The following EP400 variants were observed in gnomAD, a reference collection of about 807,000 sequenced individuals.
The protein encoded by EP400 is E1A binding protein p400.
EP400 carries 105 observed loss-of-function variants against 354.1 expected under a neutral mutation model. The ratio of observed to expected loss-of-function variants is 0.30; its 90% CI spans 0.25 to 0.35. The LOEUF (loss-of-function observed/expected upper bound fraction) is 0.35. Ranked by LOEUF, EP400 falls within the 10% of genes least tolerant of loss-of-function variation. EP400 has a pLI of 1.00. For missense variants in EP400, 3,280 were observed against 4,121.0 expected (o/e 0.80, Z 5.59); for synonymous variants, 1,646 against 1,716.9 (o/e 0.96, Z 1.02).
intron 19 of EP400, among the ~76,000 whole-genome samples, chr12:132,015,835 T>C (rs1251219596): frequency 6.6e-6 from 1 of 152,136 alleles, no homozygotes; most frequent in Admixed American, 6.5e-5. Flanking sequence ...GTCTGGTGCT[T>C]GACGGGATCC....
intron 1 of EP400, among the ~76,000 whole-genome samples, chr12:131,954,088 A>G (rs1474299867): frequency 1.3e-5 from 2 of 152,138 alleles, no homozygotes; most frequent in African/African-American, 4.8e-5. Context: ...ACTCGAGTTT[A>G]GGTGACTGAG....
chr12:131,973,506 G>C (rs956693939), intron 2 of EP400, among the ~76,000 whole-genome samples: 2 of 152,182 alleles, frequency 1.3e-5, no homozygotes, highest in Non-Finnish European at 2.9e-5. Context: ...TGCCGGGTGT[G>C]GTGGCGTGTT....
intron 2 of EP400, among the ~76,000 whole-genome samples, chr12:131,966,852 C>T (rs940928962): frequency 3.7e-5 from 5 of 136,546 alleles, no homozygotes; most frequent in Non-Finnish European, 6.1e-5. Context: ...TACAGTGAGC[C>T]GAGTTCACCC....
At position 132,062,127 on chromosome 12, in the gene EP400, T is replaced by A; in HGVS notation, c.7902T>A (p.Ala2634=). 1 of 1,613,266 alleles carries A rather than the reference T, an allele frequency of 6.2e-7. No homozygotes were observed. The highest frequency in any genetic ancestry group is 1.1e-5 in the South Asian group (1 of 91,030). The change falls in exon 46 of 53, where the codon GCT becomes GCA. Residue 2634 remains alanine, a synonymous_variant. Coordinates refer to ENST00000389561, the MANE Select transcript of EP400 (RefSeq NM_015409.5). The part of the protein sequence containing the change: ...PGALTTPGGS[A]PAQVVHTQPP... ...TTTTCTAGACGCCGGGAGGCTCTGC[T>A]CCCGCCCAGGTGGTGCACACCCAGC...
chr12:131,960,688 C>G lies in EP400; in HGVS notation c.69C>G (p.Ser23Arg). The G allele has an allele frequency of 1.3e-6, 2 of 1,580,522 alleles. No individual in the cohort carries two copies. The highest frequency in any genetic ancestry group is 2.3e-5 in the East Asian group (1 of 43,794). The change falls in exon 2 of 53, where the codon AGC becomes AGG. Residue 23 changes from serine (S) to arginine (R), a missense_variant. Ser to Arg is a moderately radical substitution (Grantham distance 110). Coordinates refer to ENST00000389561, the MANE Select transcript of EP400 (RefSeq NM_015409.5). ...AGAGGTCCAGGGCCTGCCCTGGCAG[C>G]GAGGGTGAGGAGCAGCCGGCCCACC... ...QLQRSRACPG[S>R]EGEEQPAHPN...
Position 132,062,599 on chromosome 12 carries a change from G to A in EP400, c.8232G>A (p.Gln2744=), listed in dbSNP as rs768680596. The change falls in exon 47 of 53, where the codon CAG becomes CAA. Residue 2744 remains glutamine, a synonymous_variant. Transcript: ENST00000389561. ...AGCAGCAGCAGCAGCAGCAACAGCA[G>A]CAGCAGCAACAGACGACGACGACCT... ...QQQQQQQQQQ[Q]QQQQTTTTSQ... The A allele has an allele frequency of 4.1e-5, 65 of 1,604,622 alleles. No homozygotes were observed. Among genetic ancestry groups the A allele is most frequent in the Non-Finnish European group, 4.9e-5 (58 of 1,173,526 alleles).
chr12:132,014,063 T>A, intron 19 of EP400, 150 bp downstream of exon 19: 1 of 1,039,950 alleles, frequency 9.6e-7, no homozygotes, highest in Non-Finnish European at 1.4e-6. Flanking sequence ...GGCAGCAGGC[T>A]CTGCAGCCTC....
At chr12:132,028,763 A>G (rs1894389672) in intron 27 of EP400, among the ~76,000 whole-genome samples, 1 of 152,206 alleles carries the variant, frequency 6.6e-6, no homozygotes, top group Non-Finnish European at 1.5e-5. Flanking sequence ...TGCTTTCAGT[A>G]GAGTGCGTTA....
chr12:132,050,776 T>C lies in EP400; in HGVS notation c.7394+121T>C. On this transcript the variant is annotated intron_variant, in intron 41 of 52. Transcript: ENST00000389561. This position sits in a 1 kb window ranked among gnomAD's most constrained non-coding sequence, Gnocchi z 4.8. ...AGCGTGTTCAGGCATCAGCTGGACG[T>C]GGCAGTGCGCAGAACCTGCAGGAGA... 8.0e-7 allele frequency: 1 copy of C among 1,257,264 alleles called. No homozygotes were observed. The highest frequency in any genetic ancestry group is 1.2e-6 in the Non-Finnish European group (1 of 869,166). The allele number at this position is 1,257,264 out of a possible 1,614,324, so 77.9% of individuals were successfully genotyped here.
Position 132,013,952 on chromosome 12 carries a change from C to A in EP400, c.3923+39C>A. Reference sequence around the variant, plus strand: ...CTGGGCATGTGCCCCCTTTGCTGTCCCTGCCTGTGAGGGAAAACGGCCCTT... The same window carrying A: ...CTGGGCATGTGCCCCCTTTGCTGTCACTGCCTGTGAGGGAAAACGGCCCTT... On this transcript the variant is annotated intron_variant, in intron 19 of 52. Coordinates refer to ENST00000389561, the MANE Select transcript of EP400 (RefSeq NM_015409.5). This position sits in a 1 kb window ranked among gnomAD's most constrained non-coding sequence, Gnocchi z 4.5. 1 of 1,602,594 alleles carries A rather than the reference C, an allele frequency of 6.2e-7. No homozygotes were observed. The highest frequency in any genetic ancestry group is 1.1e-5 in the South Asian group (1 of 89,314).
chr12:131,992,177 C>T lies in EP400; in HGVS notation c.2684C>T (p.Ser895Leu). The T allele has an allele frequency of 6.2e-7, 1 of 1,607,782 alleles. No homozygotes were observed. Residue 895 changes from serine to leucine, a missense_variant, in exon 11 of 53, where the codon TCA becomes TTA. Physicochemically the swap from Ser to Leu is moderately radical, Grantham distance 145. Coordinates refer to ENST00000389561, the MANE Select transcript of EP400 (RefSeq NM_015409.5). ...TTTTTCTTTCTTTTCTTTCAGGATT[C>T]AGGAATGTCTGGAAGAAAAAGAAAA... is the stretch of plus-strand genomic sequence containing the variant. ...FDALQESSLDSGMSGRKRKAS... is the reference protein window; with the variant it reads ...FDALQESSLDLGMSGRKRKAS...
At position 131,990,726 on chromosome 12, in the gene EP400, T is replaced by TAAA. The variant is rs141081862; in HGVS notation, c.2629+17_2629+19dup. On this transcript the variant is annotated intron_variant, in intron 9 of 52. Transcript: ENST00000389561. The surrounding 1 kb of genome is among the most constrained non-coding windows in gnomAD (Gnocchi z 4.2). ...AGTTTCCAGGAGAGGTAGGACCCTT[T>TAAA]AAAAAAAGGCTCACCACGCTTGGGT... The TAAA allele has an allele frequency of 6.3e-7, 1 of 1,589,020 alleles. No individual in the cohort carries two copies. Among genetic ancestry groups the TAAA allele is most frequent in the South Asian group, 1.1e-5 (1 of 87,894 alleles).
At position 132,025,843 on chromosome 12, in the gene EP400, G is replaced by A; in HGVS notation, c.5014+39G>A. 1 of 1,532,270 alleles carries A rather than the reference G, an allele frequency of 6.5e-7. No homozygotes were observed. The allele number at this position is 1,532,270 out of a possible 1,614,324, so 94.9% of individuals were successfully genotyped here. On this transcript the variant is annotated intron_variant, in intron 25 of 52. Transcript: ENST00000389561. The surrounding 1 kb of genome is among the most constrained non-coding windows in gnomAD (Gnocchi z 4.1). ...AGCAGGAGGGAGACTTGGCTTGGAT[G>A]CTTCTTTCTCTTCCATCTAAGGCGA...
chr12:131,951,483 G>GT (rs1281331994), intron 1 of EP400, among the ~76,000 whole-genome samples: 3 of 152,154 alleles, frequency 2.0e-5, no homozygotes, highest in African/African-American at 7.2e-5. Context: ...GCCGGGACAC[G>GT]TGGAAGTGTT....
At chr12:132,076,625 AT>A in intron 52 of EP400, 32 bp downstream of exon 52, 1 of 1,577,962 alleles carries the variant, frequency 6.3e-7, no homozygotes, top group Non-Finnish European at 8.6e-7. Context: ...GAAACCTCAC[AT>A]TTCCCAGGTC....
chr12:132,033,878 T>A (rs1375797367), intron 30 of EP400, among the ~76,000 whole-genome samples: 1 of 152,188 alleles, frequency 6.6e-6, no homozygotes, highest in African/African-American at 2.4e-5. Flanking sequence ...GTAATTCAAA[T>A]GCTGTATTTA....
At chr12:132,039,621 T>C (rs1248719543) in intron 32 of EP400, among the ~76,000 whole-genome samples, 1 of 152,228 alleles carries the variant, frequency 6.6e-6, no homozygotes, top group Non-Finnish European at 1.5e-5. Flanking sequence ...AGAGATTGCA[T>C]GTGTATCATT....
chr12:131,960,707 G>GGCCCCCCCCCCCCCCCCCCCCC lies in EP400; in HGVS notation c.88_89insGCCCCCCCCCCCCCCCCCCCCC (p.Ala30GlyfsTer42). 4 of 1,545,590 alleles carry GGCCCCCCCCCCCCCCCCCCCCC rather than the reference G, an allele frequency of 2.6e-6. No homozygotes were observed. Among genetic ancestry groups the GGCCCCCCCCCCCCCCCCCCCCC allele is most frequent in the South Asian group, 1.2e-5 (1 of 83,348 alleles). On this transcript the variant is annotated frameshift_variant, in exon 2 of 53. Coordinates refer to ENST00000389561, the MANE Select transcript of EP400 (RefSeq NM_015409.5). LOFTEE classifies it high-confidence loss of function. The stretch of plus-strand genomic sequence containing the variant: ...TGGCAGCGAGGGTGAGGAGCAGCCG[G>GGCCCCCCCCCCCCCCCCCCCCC]CCCACCCCAACCCACCCCCGTCCCC...
At chr12:131,955,367 C>T (rs1469941732) in intron 1 of EP400, among the ~76,000 whole-genome samples, 1 of 152,106 alleles carries the variant, frequency 6.6e-6, no homozygotes, top group East Asian at 1.9e-4. Flanking sequence ...ACTGCAACCT[C>T]CGCCTCCTGG....
Sources: gnomAD v4.1 joint callset for allele counts (sites outside exome capture counted in the v4.1 genomes callset) on GRCh38, gnomAD v4.1.1 for gene constraint, Gnocchi (gnomAD v3.1) non-coding constraint, MANE v1.5 for transcripts, NCBI Gene and HGNC (gene_info 2026-07-23, HGNC 2026-07-21) for gene names.